The following COL19A1 variants were observed in gnomAD, a reference collection of about 807,000 sequenced individuals.
The protein encoded by COL19A1 is collagen alpha-1(XIX) chain.
Under a neutral mutation model 190.2 loss-of-function variants are expected in COL19A1, and 159 were observed. The ratio of observed to expected loss-of-function variants is 0.84; its 90% confidence interval spans 0.73 to 0.95. COL19A1 has a LOEUF of 0.95. Among genes scored for constraint, COL19A1 ranks in the 40% least tolerant of loss-of-function variants. COL19A1 has a pLI of 0.00. For missense variants in COL19A1, 1,418 were observed against 1,431.9 expected (o/e 0.99, Z 0.16); for synonymous variants, 509 against 458.9 (o/e 1.11, Z -1.39).
At chr6:69,878,876 G>T (rs1027031443) in intron 1 of COL19A1, among the ~76,000 whole-genome samples, 1 of 152,104 alleles carries the variant, frequency 6.6e-6, no homozygotes, top group African/African-American at 2.4e-5. Context: ...CTTTAAAAGA[G>T]GAGGAAGTTC....
At chr6:70,201,176 G>T (rs1286450197) in intron 49 of COL19A1, among the ~76,000 whole-genome samples, 1 of 152,170 alleles carries the variant, frequency 6.6e-6, no homozygotes, top group Non-Finnish European at 1.5e-5. Context: ...GAAAACTTTG[G>T]ATAGATCCTT....
intron 48 of COL19A1, among the ~76,000 whole-genome samples, chr6:70,193,898 C>T (rs1055967135): frequency 6.6e-6 from 1 of 152,216 alleles, no homozygotes; most frequent in Non-Finnish European, 1.5e-5. Flanking sequence ...ACTCCATTTT[C>T]ACAAATCATA....
intron 11 of COL19A1, among the ~76,000 whole-genome samples, chr6:70,016,957 A>G (rs1778144374): frequency 6.6e-6 from 1 of 152,090 alleles, no homozygotes. Flanking sequence ...ATTTCCTAGA[A>G]AGTTAAACAC....
At chr6:69,895,271 G>A (rs934187299) in intron 2 of COL19A1, among the ~76,000 whole-genome samples, 1 of 152,198 alleles carries the variant, frequency 6.6e-6, no homozygotes, top group African/African-American at 2.4e-5. Context: ...GCGACAGAGG[G>A]TGGTGGGGTG....
intron 9 of COL19A1, among the ~76,000 whole-genome samples, chr6:69,940,532 A>G (rs946401800): frequency 2.0e-5 from 3 of 152,222 alleles, no homozygotes; most frequent in African/African-American, 7.2e-5. Context: ...TCTATAAAAT[A>G]TACAAAAATG....
intron 9 of COL19A1, among the ~76,000 whole-genome samples, chr6:69,941,898 C>G (rs755359010): frequency 3.3e-5 from 5 of 152,082 alleles, no homozygotes; most frequent in Non-Finnish European, 7.4e-5. Context: ...CCATGTTGAC[C>G]AGGCTGGTCT....
chr6:70,176,647 G>A (rs1562245848), intron 42 of COL19A1, 83 bp downstream of exon 42: 2 of 1,360,320 alleles, frequency 1.5e-6, no homozygotes, highest in Non-Finnish European at 2.0e-6. Context: ...ATCAAGACAG[G>A]CAGGAGAGCA....
chr6:70,024,121 C>A (rs923872843), intron 12 of COL19A1, among the ~76,000 whole-genome samples: 23 of 151,970 alleles, frequency 1.5e-4, no homozygotes, highest in Admixed American at 2.6e-4. Flanking sequence ...GTATTGCTCC[C>A]CTCCATGGCA....
At chr6:70,007,654 A>G (rs1307618452) in intron 11 of COL19A1, among the ~76,000 whole-genome samples, 3 of 152,040 alleles carry the variant, frequency 2.0e-5, no homozygotes. Context: ...TAACACAATT[A>G]TATTTAAAGA....
chr6:70,061,335 AAAGAGTG>A (rs1345983559), intron 14 of COL19A1, among the ~76,000 whole-genome samples: 21 of 152,144 alleles, frequency 1.4e-4, no homozygotes, highest in Admixed American at 1.4e-3. Flanking sequence ...TGGATCATTC[AAAGAGTG>A]AATGATTCAT....
At chr6:70,183,309 A>C (rs749958137) in intron 44 of COL19A1, among the ~76,000 whole-genome samples, 17 of 152,148 alleles carry the variant, frequency 1.1e-4, no homozygotes, top group Admixed American at 8.5e-4. Flanking sequence ...GGTGAATGAG[A>C]TGAGGGTAGA....
At chr6:70,161,980 T>A (rs781294553) in intron 35 of COL19A1, 27 bp downstream of exon 35, 16 of 1,577,628 alleles carry the variant, frequency 1.0e-5, no homozygotes, top group Non-Finnish European at 1.4e-5. Flanking sequence ...ACGATTGCAC[T>A]CACAGCTTAT....
chr6:69,893,702 A>T (rs532678899), intron 2 of COL19A1, among the ~76,000 whole-genome samples: 1 of 152,288 alleles, frequency 6.6e-6, no homozygotes, highest in East Asian at 1.9e-4. Flanking sequence ...TTCTATAGAA[A>T]ATTCTTTCTC....
intron 42 of COL19A1, among the ~76,000 whole-genome samples, chr6:70,176,840 A>G (rs1485435127): frequency 1.3e-5 from 2 of 152,186 alleles, no homozygotes; most frequent in African/African-American, 4.8e-5. Flanking sequence ...ACATTAATTT[A>G]TGAGCACAGC....
chr6:70,045,312 C>CAAAA (rs34047162), intron 14 of COL19A1, among the ~76,000 whole-genome samples: 2 of 68,914 alleles, frequency 2.9e-5, no homozygotes, highest in Non-Finnish European at 6.2e-5. Context: ...GACTCTGTCT[C>CAAAA]AAAAAAAAAA....
intron 16 of COL19A1, among the ~76,000 whole-genome samples, chr6:70,118,942 T>G (rs1784735322): frequency 6.6e-6 from 1 of 152,200 alleles, no homozygotes; most frequent in Non-Finnish European, 1.5e-5. Flanking sequence ...TATACTTTGC[T>G]TATGAAATAC....
At chr6:69,934,475 C>G (rs1445857912) in intron 7 of COL19A1, among the ~76,000 whole-genome samples, 3 of 151,680 alleles carry the variant, frequency 2.0e-5, no homozygotes, top group Non-Finnish European at 2.9e-5. Flanking sequence ...ATATAATTAG[C>G]CAGTAATCAC....
At chr6:69,941,579 G>A (rs1171742074) in intron 9 of COL19A1, among the ~76,000 whole-genome samples, 1 of 151,880 alleles carries the variant, frequency 6.6e-6, no homozygotes, top group East Asian at 1.9e-4. Context: ...TTGATCAATA[G>A]TTGATTTCTT....
At chr6:69,873,823 T>A (rs74629750) in intron 1 of COL19A1, among the ~76,000 whole-genome samples, 5,405 of 152,264 alleles carry the variant, frequency 0.035, 327 homozygotes, top group African/African-American at 0.12. Flanking sequence ...GCCTTCTTAA[T>A]ATGTACTGTG....
Sources: allele counts gnomAD v4.1 joint callset (sites outside exome capture counted in the v4.1 genomes callset), GRCh38; gene constraint gnomAD v4.1.1; transcripts MANE v1.5; gene names NCBI Gene and HGNC (gene_info 2026-07-23, HGNC 2026-07-21).